RORB: variants seen among roughly 807,000 people sequenced by gnomAD.
RORB encodes the protein RAR related orphan receptor B.
A neutral mutation model predicts 59.1 loss-of-function variants in RORB; 6 were observed. That is an observed-to-expected ratio of 0.10 (90% CI 0.06 to 0.20). The LOEUF (loss-of-function observed/expected upper bound fraction) is 0.20. Among genes scored for constraint, RORB ranks in the 10% least tolerant of loss-of-function variants. The pLI, the probability that RORB is intolerant of heterozygous loss-of-function variation, is 1.00. For missense variants in RORB, 320 were observed against 560.5 expected, an observed-to-expected ratio of 0.57 and a Z score of 4.33; for synonymous variants, 215 against 204.5, an observed-to-expected ratio of 1.05 and a Z score of -0.44.
intron 1 of RORB, among the ~76,000 whole-genome samples, chr9:74,596,883 G>A (rs953124989): frequency 6.6e-6 from 1 of 152,224 alleles, no homozygotes; most frequent in Non-Finnish European, 1.5e-5. Context: ...CATGTGGCTA[G>A]TGGCTACCAT....
rs986894898 is a variant in RORB, at chr9:74,691,941, C to G, written c.*6323C>G. 1 of 151,502 alleles carries G rather than the reference C, an allele frequency of 6.6e-6. No individual in the cohort carries two copies. Among genetic ancestry groups the G allele is most frequent in the Admixed American group, 6.6e-5 (1 of 15,204 alleles). The allele number at this position is 151,502 out of a possible 1,614,324, so 9.4% of individuals were successfully genotyped here. A position where few individuals can be genotyped will look rare whatever the true frequency, so the allele number is the denominator to read the frequency against. On this transcript the variant is annotated 3_prime_UTR_variant, in exon 10 of 10. Coordinates refer to ENST00000376896, the MANE Select transcript of RORB (RefSeq NM_006914.4). ...AAACTCCATCTATAACTAGAAAATA[C>G]GAAAAAGGAAAATTAAAAAAAAAAG...
intron 1 of RORB, among the ~76,000 whole-genome samples, chr9:74,576,208 G>T (rs1392611427): frequency 6.6e-6 from 1 of 152,188 alleles, no homozygotes; most frequent in Non-Finnish European, 1.5e-5. Context: ...GAGACTTCTG[G>T]TAATATCTCA....
At chr9:74,561,520 A>C (rs765089625) in intron 1 of RORB, among the ~76,000 whole-genome samples, 1 of 152,180 alleles carries the variant, frequency 6.6e-6, no homozygotes, top group Non-Finnish European at 1.5e-5. Context: ...ACAAAATTGG[A>C]AACATTCAAA....
intron 1 of RORB, among the ~76,000 whole-genome samples, chr9:74,513,356 T>A (rs1825966247): frequency 2.0e-5 from 3 of 152,180 alleles, no homozygotes; most frequent in Admixed American, 2.0e-4. Context: ...TAATATTTAT[T>A]CTTATATTTA....
chr9:74,525,286 A>G (rs1201777470), intron 1 of RORB, among the ~76,000 whole-genome samples: 1 of 151,972 alleles, frequency 6.6e-6, no homozygotes, highest in East Asian at 1.9e-4. Flanking sequence ...GGTTATATTG[A>G]TTTTTCATTA....
chr9:74,682,914 A>C (rs1824570893), intron 9 of RORB, among the ~76,000 whole-genome samples: 1 of 152,178 alleles, frequency 6.6e-6, no homozygotes, highest in Non-Finnish European at 1.5e-5. Context: ...TCTGAAAACC[A>C]GTTGTAAATT....
At chr9:74,648,477 T>G (rs1381699615) in intron 4 of RORB, among the ~76,000 whole-genome samples, 1 of 152,214 alleles carries the variant, frequency 6.6e-6, no homozygotes, top group African/African-American at 2.4e-5. Context: ...CCCCTTGTTA[T>G]AGCCACGTCA....
At chr9:74,583,487 AGGTTACTAATTTGTAACCTAATTT>A (rs1312682080) in intron 1 of RORB, among the ~76,000 whole-genome samples, 2 of 152,014 alleles carry the variant, frequency 1.3e-5, no homozygotes, top group African/African-American at 4.8e-5. Flanking sequence ...AACCCAAATT[AGGTTACTAATTTGTAACCTAATTT>A]GGTTACAAAT....
intron 1 of RORB, among the ~76,000 whole-genome samples, chr9:74,511,170 T>C (rs1825932253): frequency 1.3e-5 from 2 of 152,188 alleles, no homozygotes; most frequent in Non-Finnish European, 2.9e-5. Flanking sequence ...TATATACTCA[T>C]GATGTATTCA....
chr9:74,656,504 G>A (rs1038903750), intron 4 of RORB, among the ~76,000 whole-genome samples: 1 of 152,230 alleles, frequency 6.6e-6, no homozygotes, highest in Non-Finnish European at 1.5e-5. Flanking sequence ...GGGAAGCCAA[G>A]GTGGGCAGAT....
At chr9:74,591,562 G>C (rs1036420445) in intron 1 of RORB, among the ~76,000 whole-genome samples, 1 of 152,180 alleles carries the variant, frequency 6.6e-6, no homozygotes, top group Non-Finnish European at 1.5e-5. Flanking sequence ...CGTGGACATA[G>C]ATCATAAAAT....
At chr9:74,580,358 A>G (rs897578735) in intron 1 of RORB, among the ~76,000 whole-genome samples, 8 of 152,150 alleles carry the variant, frequency 5.3e-5, no homozygotes, top group African/African-American at 1.2e-4. Context: ...TGCTAACCCA[A>G]TGTTACCTTT....
At chr9:74,574,790 A>ATG (rs376779696) in intron 1 of RORB, among the ~76,000 whole-genome samples, 3 of 152,262 alleles carry the variant, frequency 2.0e-5, no homozygotes, top group African/African-American at 4.8e-5. Flanking sequence ...CACAAGCAAG[A>ATG]AGAAATCTTA....
intron 1 of RORB, among the ~76,000 whole-genome samples, chr9:74,531,846 C>G (rs1303253532): frequency 6.6e-6 from 1 of 151,896 alleles, no homozygotes; most frequent in Admixed American, 6.6e-5. Context: ...CTGCTGTCTT[C>G]TTGCAGATGG....
At chr9:74,628,183 C>T (rs1041083917) in intron 1 of RORB, among the ~76,000 whole-genome samples, 5 of 152,092 alleles carry the variant, frequency 3.3e-5, no homozygotes, top group African/African-American at 4.8e-5. Flanking sequence ...TATTTTTCTC[C>T]TACCACAAAA....
In RORB at chr9:74,565,829, A is replaced by C. The variant is rs530724743; in HGVS notation, c.8-64453A>C. On this transcript the variant is annotated intron_variant, in intron 1 of 9. Coordinates refer to ENST00000376896, the MANE Select transcript of RORB (RefSeq NM_006914.4). Reference sequence around the variant, plus strand: ...TCTCCTACTTTCATCATCTATACTTAGACTTAAGTCAGAGTCCCCTTCATG... The same window carrying C: ...TCTCCTACTTTCATCATCTATACTTCGACTTAAGTCAGAGTCCCCTTCATG... Among the ~76,000 whole-genome samples, 3 of 152,298 alleles carry C rather than the reference A, an allele frequency of 2.0e-5. No homozygotes were observed. In the East Asian group the frequency reaches 5.8e-4, roughly 29 times the overall value.
intron 1 of RORB, among the ~76,000 whole-genome samples, chr9:74,595,062 C>T (rs541586594): frequency 1.3e-5 from 2 of 152,314 alleles, no homozygotes; most frequent in East Asian, 3.9e-4. Flanking sequence ...CAGCCAAAAA[C>T]TGGGGACCCT....
intron 1 of RORB, among the ~76,000 whole-genome samples, chr9:74,610,780 A>T (rs1194289181): frequency 6.6e-6 from 1 of 152,208 alleles, no homozygotes; most frequent in Admixed American, 6.5e-5. Flanking sequence ...CTGAAACATG[A>T]GCATGCCTCA....
intron 1 of RORB, among the ~76,000 whole-genome samples, chr9:74,623,671 C>T (rs1823461209): frequency 6.6e-6 from 1 of 152,160 alleles, no homozygotes; most frequent in Non-Finnish European, 1.5e-5. Flanking sequence ...AATTCTGATT[C>T]AGCTGGTCTT....
Sources: gnomAD v4.1 joint callset for allele counts (sites outside exome capture counted in the v4.1 genomes callset) on GRCh38, gnomAD v4.1.1 for gene constraint, MANE v1.5 for transcripts, NCBI Gene and HGNC (gene_info 2026-07-23, HGNC 2026-07-21) for gene names.